The following PSD3 variants were observed in gnomAD, a reference collection of about 807,000 sequenced individuals.
PSD3 encodes the protein PH and SEC7 domain-containing protein 3.
A neutral mutation model predicts 105.5 loss-of-function variants in PSD3; 49 were observed. The ratio of observed to expected loss-of-function variants is 0.46; its 90% CI spans 0.37 to 0.59. PSD3 has a LOEUF of 0.59. Ranked by LOEUF, PSD3 falls within the 20% of genes least tolerant of loss-of-function variation. The pLI, the probability that PSD3 is intolerant of heterozygous loss-of-function variation, is 0.00. For missense variants in PSD3, 1,561 were observed against 1,263.8 expected (o/e 1.24, Z -3.57); for synonymous variants, 557 against 457.8 (o/e 1.22, Z -2.77).
Position 18,872,069 on chromosome 8 carries a change from A to G in PSD3, c.795T>C (p.Ser265=). 6.2e-7 allele frequency: 1 copy of G among 1,614,052 alleles called. No homozygotes were observed. The highest frequency in any genetic ancestry group is 8.5e-7 in the Non-Finnish European group (1 of 1,179,992). The change falls in exon 3 of 16, where the codon AGT becomes AGC. Residue 265 remains serine, a synonymous_variant. Transcript: ENST00000327040. ...ACCTCTGCTCTTTCAAGAAACCAAC[A>G]CTGCCTGCAGAGTGGCAGGTCACTG... is the stretch of plus-strand genomic sequence containing the variant. ...SSAVTCHSAG[S]VGFLKEQRSA...
chr8:18,639,651 G>A lies in PSD3; in HGVS notation c.2217-6845C>T, dbSNP rs760338135. On this transcript the variant is annotated intron_variant, in intron 10 of 15. Transcript: ENST00000327040. ...CACAGGCTAGGAGAGAGGCATGGAG[G>A]AGACTCCCGGTCATGGCCTTCAGGA... Among the ~76,000 whole-genome samples the A allele has an allele frequency of 5.3e-5, 8 of 152,110 alleles. No homozygotes were observed. The South Asian group carries it at 6.2e-4, about 12-fold the overall frequency.
intron 2 of PSD3, among the ~76,000 whole-genome samples, chr8:18,883,040 A>C (rs923989421): frequency 5.9e-5 from 9 of 152,132 alleles, no homozygotes; most frequent in African/African-American, 2.2e-4. Context: ...TTGAGAAAGC[A>C]GCATAGATAT....
intron 9 of PSD3, among the ~76,000 whole-genome samples, chr8:18,708,876 C>T (rs987502757): frequency 2.0e-5 from 3 of 152,148 alleles, no homozygotes; most frequent in East Asian, 1.9e-4. Context: ...GAGAGCCACA[C>T]GGGGTAAGAG....
At chr8:18,936,629 G>C (rs1180525411) in intron 1 of PSD3, among the ~76,000 whole-genome samples, 1 of 151,952 alleles carries the variant, frequency 6.6e-6, no homozygotes, top group South Asian at 2.1e-4. Context: ...AGGTGTGGTG[G>C]TTCCTGTAAT....
intron 2 of PSD3, among the ~76,000 whole-genome samples, chr8:18,879,683 G>A (rs752297816): frequency 1.3e-5 from 2 of 152,000 alleles, no homozygotes; most frequent in East Asian, 1.9e-4. Context: ...AGCCTCCTCC[G>A]GTGCTTAAGT....
intron 14 of PSD3, among the ~76,000 whole-genome samples, chr8:18,567,268 GTTT>G (rs35837572): frequency 4.0e-5 from 6 of 150,746 alleles, no homozygotes; most frequent in South Asian, 2.1e-4. Flanking sequence ...ATTTTGGAAG[GTTT>G]TTTTTTTTGC....
intron 2 of PSD3, among the ~76,000 whole-genome samples, chr8:18,921,616 G>A (rs12155975): frequency 2.0e-5 from 3 of 152,196 alleles, no homozygotes; most frequent in East Asian, 1.9e-4. Context: ...GCAGGTTTCT[G>A]GGAGCCTTGG....
rs1802608875 is a variant in PSD3 at position 18,578,614 on chromosome 8, G to C, written c.2482-3329C>G. 1.3e-5 allele frequency among the ~76,000 whole-genome samples: 2 copies of C among 151,864 alleles called. 1 individual carries two copies. Among genetic ancestry groups the C allele is most frequent in the South Asian group, 4.1e-4 (2 of 4,820 alleles). On this transcript the variant is annotated intron_variant, in intron 12 of 15. Transcript: ENST00000327040. ...AAACCAATTGGTAGCTATTACTATT[G>C]AATGACTTAGACTGTCTCATTTGGA...
chr8:18,728,361 A>G (rs924611481), intron 9 of PSD3, among the ~76,000 whole-genome samples: 3 of 152,218 alleles, frequency 2.0e-5, no homozygotes, highest in African/African-American at 7.2e-5. Flanking sequence ...AAAGTCAATT[A>G]AAAACCAGCT....
chr8:18,668,020 G>T (rs929781579), intron 9 of PSD3, among the ~76,000 whole-genome samples: 4 of 152,228 alleles, frequency 2.6e-5, no homozygotes, highest in African/African-American at 9.6e-5. Context: ...AATCGCGCTG[G>T]CCCGCAAGCT....
chr8:18,718,500 AAC>A (rs1454098064), intron 9 of PSD3, among the ~76,000 whole-genome samples: 3 of 152,242 alleles, frequency 2.0e-5, no homozygotes, highest in Admixed American at 1.3e-4. Flanking sequence ...GGAATATTCA[AAC>A]ACAGTTATCT....
chr8:18,869,625 A>C (rs919224405), intron 3 of PSD3, among the ~76,000 whole-genome samples: 2 of 152,178 alleles, frequency 1.3e-5, no homozygotes, highest in African/African-American at 4.8e-5. Flanking sequence ...CTCTAGCTGG[A>C]ACATTCTTCC....
At chr8:19,065,342 G>C (rs1166300900) in intron 1 of PSD3, among the ~76,000 whole-genome samples, 1 of 152,082 alleles carries the variant, frequency 6.6e-6, no homozygotes. Context: ...TCAGCTCTGC[G>C]GTGGACATCA....
chr8:19,013,758 C>G, upstream of PSD3: 1 of 319,670 alleles, frequency 3.1e-6, no homozygotes, highest in Non-Finnish European at 4.9e-6. Flanking sequence ...TGCGAGCCCG[C>G]GGCAGCCGCC....
chr8:18,551,196 A>C (rs1800749485), intron 15 of PSD3, among the ~76,000 whole-genome samples: 1 of 152,176 alleles, frequency 6.6e-6, no homozygotes, highest in African/African-American at 2.4e-5. Context: ...TTGCTTCCCC[A>C]ATGTTGACAA....
At chr8:19,005,488 T>C (rs1315461395) in intron 1 of PSD3, among the ~76,000 whole-genome samples, 1 of 151,818 alleles carries the variant, frequency 6.6e-6, no homozygotes, top group African/African-American at 2.4e-5. Context: ...GGGGTTTTTT[T>C]GTTTTCTTTT....
intron 1 of PSD3, among the ~76,000 whole-genome samples, chr8:18,981,272 G>A (rs928005045): frequency 3.3e-5 from 5 of 152,216 alleles, no homozygotes; most frequent in African/African-American, 1.2e-4. Flanking sequence ...CAGGAAAGAC[G>A]CAAGAAAAGT....
chr8:18,551,063 G>C (rs1293923414), intron 15 of PSD3, among the ~76,000 whole-genome samples: 1 of 152,134 alleles, frequency 6.6e-6, no homozygotes. Context: ...CAGCTTAATT[G>C]CTAGAAAATT....
intron 9 of PSD3, among the ~76,000 whole-genome samples, chr8:18,669,691 T>C (rs1799671491): frequency 6.6e-6 from 1 of 152,244 alleles, no homozygotes; most frequent in Non-Finnish European, 1.5e-5. Flanking sequence ...AATGTTTGTC[T>C]CTAAAATTTT....
Sources: gnomAD v4.1 joint callset for allele counts (sites outside exome capture counted in the v4.1 genomes callset) on GRCh38, gnomAD v4.1.1 for gene constraint, MANE v1.5 for transcripts, NCBI Gene and HGNC (gene_info 2026-07-23, HGNC 2026-07-21) for gene names.